The following TRPM2 variants were observed in gnomAD, a reference collection of about 807,000 sequenced individuals.
TRPM2 encodes estrogen-responsive element-associated gene 1 protein.
A neutral mutation model predicts 174.0 loss-of-function variants in TRPM2; 161 were observed. The ratio of observed to expected loss-of-function variants is 0.93; its 90% CI spans 0.81 to 1.05. TRPM2 has a LOEUF of 1.05. Ranked by LOEUF, TRPM2 falls within the 50% of genes least tolerant of loss-of-function variation. The pLI is 0.00. For synonymous variants in TRPM2, 954 were observed against 861.3 expected, an observed-to-expected ratio of 1.11 and a Z score of -1.88; for missense variants, 2,057 against 2,038.0, an observed-to-expected ratio of 1.01 and a Z score of -0.18.
At position 44,397,878 on chromosome 21, in the gene TRPM2, TGA is replaced by T. The variant is rs760321176; in HGVS notation, c.2062+4_2062+5del. The T allele has an allele frequency of 1.9e-6, 3 of 1,596,990 alleles. No homozygotes were observed. In the African/African-American group the frequency reaches 4.0e-5, roughly 21 times the overall value. On this transcript the variant is annotated splice_donor_region_variant and intron_variant, in intron 13 of 31. Coordinates refer to ENST00000397928, the MANE Select transcript of TRPM2 (RefSeq NM_003307.4). ...AGGAGTATGAGCACAGAGCCATCGG[TGA>T]GCTCTGCCGGGCACGGGCTGCAGGC...
intron 19 of TRPM2, among the ~76,000 whole-genome samples, chr21:44,408,675 T>C (rs868126639): frequency 8.6e-4 from 83 of 97,032 alleles, no homozygotes; most frequent in Middle Eastern, 5.4e-3. Flanking sequence ...TTTTTTTTTT[T>C]CCGACAGGGT....
rs566358493 is a variant in TRPM2 at position 44,391,110 on chromosome 21, T to C, written c.1440+85T>C. The C allele has an allele frequency of 3.1e-6, 5 of 1,596,096 alleles. No individual in the cohort carries two copies. The Admixed American group carries it at 8.4e-5, about 27-fold the overall frequency. ...GAAGCAAGGGCAGGCAAAGTTCGCA[T>C]TGTCTGGATCCCAGCCCTTCCCTTG... On this transcript the variant is annotated intron_variant, in intron 10 of 31. Transcript: ENST00000397928. The surrounding 1 kb of genome is among the most constrained non-coding windows in gnomAD (Gnocchi z 5.0).
chr21:44,411,182 T>A (rs2050097315), intron 19 of TRPM2, among the ~76,000 whole-genome samples: 1 of 152,206 alleles, frequency 6.6e-6, no homozygotes, highest in African/African-American at 2.4e-5. Context: ...AATTTTTGGA[T>A]CAGCTCATCA....
intron 5 of TRPM2, among the ~76,000 whole-genome samples, chr21:44,374,739 G>C (rs1180742703): frequency 2.0e-5 from 3 of 152,130 alleles, no homozygotes; most frequent in Non-Finnish European, 2.9e-5. Flanking sequence ...ACACGATGGG[G>C]AGCGGCTGTA....
Position 44,367,991 on chromosome 21 carries a change from C to T in TRPM2, c.604+1057C>T, listed in dbSNP as rs1032330638. On this transcript the variant is annotated intron_variant, in intron 4 of 31. Coordinates refer to ENST00000397928, the MANE Select transcript of TRPM2 (RefSeq NM_003307.4). This position sits in a 1 kb window ranked among gnomAD's most constrained non-coding sequence, Gnocchi z 4.6. ...CATGGATTTGTTCAGGTCTCACCTG[C>T]TCCAGGTCTTGATGTTGCATTTTTT... 6.6e-6 allele frequency among the ~76,000 whole-genome samples: 1 copy of T among 152,372 alleles called. No individual in the cohort carries two copies. Among genetic ancestry groups the T allele is most frequent in the Non-Finnish European group, 1.5e-5 (1 of 68,038 alleles).
intron 17 of TRPM2, 60 bp from the exon 18 acceptor site, chr21:44,405,845 A>G (rs1412205886): frequency 2.6e-6 from 4 of 1,567,906 alleles, no homozygotes; most frequent in Non-Finnish European, 3.4e-6. Flanking sequence ...GACGGGGGAC[A>G]GCTCTGGGGG....
chr21:44,419,794 ATGT>A (rs1448087094), intron 22 of TRPM2, among the ~76,000 whole-genome samples: 88 of 127,350 alleles, frequency 6.9e-4, no homozygotes, highest in African/African-American at 2.5e-3. Flanking sequence ...AGTGGTGGTG[ATGT>A]TGATGGTGAT....
At chr21:44,421,747 C>T (rs2050558449) in intron 22 of TRPM2, among the ~76,000 whole-genome samples, 1 of 151,842 alleles carries the variant, frequency 6.6e-6, no homozygotes, top group Non-Finnish European at 1.5e-5. Flanking sequence ...CCCATCTCTA[C>T]AAAAAATAAA....
In TRPM2 at chr21:44,395,550, A is replaced by G. The variant is rs770537748; in HGVS notation, c.1931A>G (p.Gln644Arg). 2.5e-6 allele frequency: 4 copies of G among 1,612,858 alleles called. No individual in the cohort carries two copies. Among genetic ancestry groups the G allele is most frequent in the South Asian group, 2.2e-5 (2 of 91,082 alleles). ...RRELAGIIWAQSQDCIAAALA... is the reference protein window; with the variant it reads ...RRELAGIIWARSQDCIAAALA... ...GAGCTGGCAGGAATCATCTGGGCTCAGGTAATAAGACTGGCTTCTCAGTCT... is the reference window on the plus strand; with the variant it reads ...GAGCTGGCAGGAATCATCTGGGCTCGGGTAATAAGACTGGCTTCTCAGTCT... Residue 644 changes from glutamine (Q) to arginine (R), a missense_variant and splice_region_variant, in exon 12 of 32, where the codon CAG (glutamine) becomes CGG (arginine). By Grantham distance (43) the Gln-to-Arg change is conservative. Coordinates refer to ENST00000397928, the MANE Select transcript of TRPM2 (RefSeq NM_003307.4).
intron 2 of TRPM2, among the ~76,000 whole-genome samples, chr21:44,357,153 C>T (rs2048083965): frequency 6.6e-6 from 1 of 152,194 alleles, no homozygotes; most frequent in African/African-American, 2.4e-5. Context: ...TCATTTCACC[C>T]AGCGCCTATT....
chr21:44,404,644 A>C (rs2049799321), intron 16 of TRPM2, among the ~76,000 whole-genome samples: 1 of 152,120 alleles, frequency 6.6e-6, no homozygotes. Context: ...GACAGTGATG[A>C]TAGTGACGGT....
At position 44,438,269 on chromosome 21, in the gene TRPM2, C is replaced by T. The variant is rs1451003225; in HGVS notation, c.4168-798C>T. Among the ~76,000 whole-genome samples the T allele has an allele frequency of 1.3e-5, 2 of 152,222 alleles. No homozygotes were observed. Among genetic ancestry groups the T allele is most frequent in the African/African-American group, 4.8e-5 (2 of 41,446 alleles). ...TGCCTGTGCACACCTGGCCCTGGAACACGAGTCACCCTCCGCTCTCTGGCA... is the reference window on the plus strand; with the variant it reads ...TGCCTGTGCACACCTGGCCCTGGAATACGAGTCACCCTCCGCTCTCTGGCA... On this transcript the variant is annotated intron_variant, in intron 29 of 31. Transcript: ENST00000397928. This position sits in a 1 kb window ranked among gnomAD's most constrained non-coding sequence, Gnocchi z 5.9.
chr21:44,402,166 A>T (rs961071907), intron 16 of TRPM2, among the ~76,000 whole-genome samples: 4 of 152,054 alleles, frequency 2.6e-5, no homozygotes, highest in Non-Finnish European at 4.4e-5. Context: ...CTCAAGGTGG[A>T]TGCCCTGACC....
chr21:44,412,762 T>G (rs544498730), intron 19 of TRPM2, among the ~76,000 whole-genome samples: 1 of 151,990 alleles, frequency 6.6e-6, no homozygotes, highest in African/African-American at 2.4e-5. Context: ...GTTTTTATTG[T>G]GAAAGGGTGG....
chr21:44,434,980 C>T, intron 27 of TRPM2, 151 bp from the exon 28 acceptor site: 1 of 708,074 alleles, frequency 1.4e-6, no homozygotes, highest in South Asian at 1.8e-5. Flanking sequence ...ATCCTACTCC[C>T]TAGGCCAGAG....
chr21:44,403,337 G>T (rs770949293), intron 16 of TRPM2, among the ~76,000 whole-genome samples: 7 of 152,174 alleles, frequency 4.6e-5, no homozygotes, highest in Non-Finnish European at 7.4e-5. Flanking sequence ...CCAAATGGGG[G>T]CTCCCACAGC....
In TRPM2 at chr21:44,375,868, T is replaced by C. The variant is rs1259610518; in HGVS notation, c.807T>C (p.Asp269=). Residue 269 remains aspartate (D), a synonymous_variant, in exon 6 of 32, where the codon GAT becomes GAC. Transcript: ENST00000397928. ...SFPAEYILDE[D]GQGNLTCLDS... Reference sequence around the variant, plus strand: ...CCGCCGAGTACATACTGGATGAGGATGGCCAAGGGAACCTGACCTGCCTAG... The same window carrying C: ...CCGCCGAGTACATACTGGATGAGGACGGCCAAGGGAACCTGACCTGCCTAG... 6.2e-7 allele frequency: 1 copy of C among 1,613,988 alleles called. No homozygotes were observed. Among genetic ancestry groups the C allele is most frequent in the Admixed American group, 1.7e-5 (1 of 60,022 alleles).
At chr21:44,407,155 C>T (rs1478647759) in intron 19 of TRPM2, among the ~76,000 whole-genome samples, 1 of 115,670 alleles carries the variant, frequency 8.6e-6, no homozygotes, top group African/African-American at 3.4e-5. Context: ...CCCTTCCTTC[C>T]TTCCATTTTT....
At chr21:44,351,001 A>G (rs1179059658), upstream of TRPM2, among the ~76,000 whole-genome samples, 1 of 152,122 alleles carries the variant, frequency 6.6e-6, no homozygotes, top group East Asian at 2.0e-4. Context: ...ATTTCAGAAG[A>G]TGCCCGAGCA....
Sources: gnomAD v4.1 joint callset for allele counts (sites outside exome capture counted in the v4.1 genomes callset) on GRCh38, gnomAD v4.1.1 for gene constraint, Gnocchi (gnomAD v3.1) non-coding constraint, MANE v1.5 for transcripts, NCBI Gene and HGNC (gene_info 2026-07-23, HGNC 2026-07-21) for gene names.